Variants in UNG observed in about 807,000 individuals in gnomAD.
UNG encodes uracil-DNA glycosylase.
Under a neutral mutation model 36.5 loss-of-function variants are expected in UNG, and 34 were observed. That is an observed-to-expected ratio of 0.93 (90% CI 0.71 to 1.24). UNG has a LOEUF of 1.24. Among genes scored for constraint, UNG ranks in the 50% most tolerant of loss-of-function variants. The pLI, the probability that UNG is intolerant of heterozygous loss-of-function variation, is 0.00. For synonymous variants in UNG, 172 were observed against 157.8 expected (o/e 1.09, Z -0.67); for missense variants, 391 against 397.6 (o/e 0.98, Z 0.14).
At chr12:109,098,660 C>T in intron 2 of UNG, 22 bp downstream of exon 2, 2 of 1,613,142 alleles carry the variant, frequency 1.2e-6, no homozygotes, top group Non-Finnish European at 1.7e-6. Context: ...AATGCACCTT[C>T]CATAAGGGTA....
Position 109,106,791 on chromosome 12 carries a change from T to G in UNG, c.802-3038T>G, listed in dbSNP as rs540917356. Among the ~76,000 whole-genome samples the G allele has an allele frequency of 2.5e-4, 34 of 136,432 alleles. No individual in the cohort carries two copies. In the East Asian group the frequency reaches 5.1e-3, roughly 20 times the overall value. The allele number at this position is 136,432 out of a possible 152,430, so 89.5% of individuals were successfully genotyped here. A position where few individuals can be genotyped will look rare whatever the true frequency, so the allele number is the denominator to read the frequency against. ...GCGTGTGCCTGTAGTCCCAGCTACT[T>G]GGGAGGCAGAGGTTGCAGTTAGCTG... On this transcript the variant is annotated intron_variant, in intron 6 of 6. Coordinates refer to ENST00000242576, the MANE Select transcript of UNG (RefSeq NM_080911.3).
chr12:109,101,866 A>C lies in UNG; in HGVS notation c.436-36A>C, dbSNP rs373142518. On this transcript the variant is annotated intron_variant, in intron 3 of 6. Coordinates refer to ENST00000242576, the MANE Select transcript of UNG (RefSeq NM_080911.3). Reference sequence around the variant, plus strand: ...GCAGGGTCTGTGCTGCTTACATTACAGTATTGTTTAATTCCTGACCCCTGG... The same window carrying C: ...GCAGGGTCTGTGCTGCTTACATTACCGTATTGTTTAATTCCTGACCCCTGG... The C allele has an allele frequency of 1.3e-5, 20 of 1,561,858 alleles. No individual in the cohort carries two copies. In the African/African-American group the frequency reaches 2.3e-4, roughly 18 times the overall value.
chr12:109,098,403 T>A, intron 1 of UNG, 29 bp from the exon 2 acceptor site: 2 of 1,603,334 alleles, frequency 1.2e-6, no homozygotes, highest in Non-Finnish European at 1.7e-6. Flanking sequence ...CTGCAGCTCT[T>A]GAGCCGCCTC....
At chr12:109,101,640 G>A (rs1228214516) in intron 3 of UNG, among the ~76,000 whole-genome samples, 2 of 152,104 alleles carry the variant, frequency 1.3e-5, no homozygotes, top group East Asian at 3.9e-4. Flanking sequence ...AGCCCAGGAG[G>A]GCGAGGCTGC....
intron 6 of UNG, 121 bp from the exon 7 acceptor site, chr12:109,109,708 G>A (rs555851135): frequency 6.5e-5 from 81 of 1,254,086 alleles, no homozygotes; most frequent in Non-Finnish European, 8.8e-5. Flanking sequence ...GCTTGAACCC[G>A]GGAGGCGGAG....
intron 6 of UNG, among the ~76,000 whole-genome samples, chr12:109,104,716 C>G (rs776932714): frequency 6.6e-6 from 1 of 151,626 alleles, no homozygotes; most frequent in Non-Finnish European, 1.5e-5. Context: ...GGGAAGGAGA[C>G]GAGCCAGGGG....
Position 109,098,514 on chromosome 12 carries a change from A to G in UNG, c.215A>G (p.Asp72Gly). ...PSSPLSAEQL[D>G]RIQRNKAAAL... is the part of the protein sequence containing the mutation. ...TCGCCGCTGAGTGCCGAGCAGTTGGACCGGATCCAGAGGAACAAGGCCGCG... is the reference window on the plus strand; with the variant it reads ...TCGCCGCTGAGTGCCGAGCAGTTGGGCCGGATCCAGAGGAACAAGGCCGCG... The change falls in exon 2 of 7, where the codon GAC (aspartate) becomes GGC (glycine). Residue 72 changes from aspartate to glycine, a missense_variant. By Grantham distance (94) the Asp-to-Gly change is moderately conservative. Coordinates refer to ENST00000242576, the MANE Select transcript of UNG (RefSeq NM_080911.3). 6.2e-7 allele frequency: 1 copy of G among 1,612,894 alleles called. No individual in the cohort carries two copies.
At chr12:109,098,006 C>T (rs1490625623) in intron 1 of UNG, 195 bp downstream of exon 1, 38 of 1,261,448 alleles carry the variant, frequency 3.0e-5, no homozygotes, top group South Asian at 5.3e-5. Context: ...CCAATGGGAA[C>T]GCGTCTCGGG....
intron 3 of UNG, among the ~76,000 whole-genome samples, chr12:109,100,723 T>C (rs756210924): frequency 2.0e-5 from 3 of 152,154 alleles, no homozygotes; most frequent in Non-Finnish European, 4.4e-5. Context: ...CAGACCAGCA[T>C]TGGGAGAGTT....
intron 2 of UNG, 149 bp downstream of exon 2, chr12:109,098,787 G>C: frequency 9.3e-7 from 1 of 1,072,296 alleles, no homozygotes; most frequent in Non-Finnish European, 1.3e-6. Flanking sequence ...GTAAAAGAAA[G>C]CCATGATGTT....
At chr12:109,105,177 G>A (rs1593323238) in intron 6 of UNG, 1 of 152,270 alleles carries the variant, frequency 6.6e-6, no homozygotes, top group South Asian at 2.1e-4. Context: ...GTCTCCCAAA[G>A]TGCTAGGATT....
Position 109,099,409 on chromosome 12 carries a change from G to A in UNG, c.435+125G>A, listed in dbSNP as rs1026501244. 3 of 845,846 alleles carry A rather than the reference G, an allele frequency of 3.5e-6. No homozygotes were observed. In the African/African-American group the frequency reaches 5.0e-5, roughly 14 times the overall value. The allele number at this position is 845,846 out of a possible 1,614,324, so 52.4% of individuals were successfully genotyped here. A position where few individuals can be genotyped will look rare whatever the true frequency, so the allele number is the denominator to read the frequency against. The stretch of plus-strand genomic sequence containing the variant: ...GTAAATAAAACACTGAAATCCCGAG[G>A]TTTGGCTGACTGTATTTCAGCCTGT... On this transcript the variant is annotated intron_variant, in intron 3 of 6. Transcript: ENST00000242576.
chr12:109,104,263 G>C (rs2042200848), intron 6 of UNG, among the ~76,000 whole-genome samples: 1 of 151,794 alleles, frequency 6.6e-6, no homozygotes, highest in South Asian at 2.1e-4. Context: ...TGGCCAGGCT[G>C]GTTTTGAACT....
chr12:109,106,949 C>T (rs747103068), intron 6 of UNG, among the ~76,000 whole-genome samples: 4 of 17,472 alleles, frequency 2.3e-4, no homozygotes, highest in Non-Finnish European at 5.2e-4. Flanking sequence ...AATATTTTTA[C>T]TGCATCTTTT....
intron 6 of UNG, among the ~76,000 whole-genome samples, chr12:109,104,080 G>A (rs1349570885): frequency 1.5e-5 from 1 of 68,746 alleles, no homozygotes; most frequent in Non-Finnish European, 2.6e-5. Context: ...ATGGAGTCTC[G>A]CTCTGTTGCC....
intron 3 of UNG, among the ~76,000 whole-genome samples, chr12:109,100,035 G>A (rs553570097): frequency 1.8e-4 from 28 of 152,132 alleles, no homozygotes; most frequent in South Asian, 1.0e-3. Context: ...TCACTCCAGC[G>A]TGGGCGACAG....
intron 3 of UNG, 162 bp downstream of exon 3, chr12:109,099,446 T>G (rs1409358316): frequency 1.5e-6 from 1 of 670,552 alleles, no homozygotes; most frequent in East Asian, 2.8e-5. Context: ...TTTACTCTTT[T>G]TAATGTTTAC....
chr12:109,098,225 C>T lies in UNG; in HGVS notation c.133-207C>T, dbSNP rs1033272541. ...CCTCGGGAAGCCATAGGGCGCCTCCCAGCCCGTCTCCCCGCTCCAGTTTAG... is the reference window on the plus strand; with the variant it reads ...CCTCGGGAAGCCATAGGGCGCCTCCTAGCCCGTCTCCCCGCTCCAGTTTAG... On this transcript the variant is annotated intron_variant, in intron 1 of 6. Transcript: ENST00000242576. 5.4e-6 allele frequency: 8 copies of T among 1,476,318 alleles called. No individual in the cohort carries two copies. The South Asian group carries it at 5.6e-5, about 10-fold the overall frequency. 91.5% of individuals were successfully genotyped at this position (1,476,318 alleles called of 1,614,324 possible).
chr12:109,108,277 T>G (rs964018494), intron 6 of UNG, among the ~76,000 whole-genome samples: 4 of 152,218 alleles, frequency 2.6e-5, no homozygotes, highest in African/African-American at 9.7e-5. Context: ...TTTTTCGACT[T>G]TACAATGGTG....
Sources: gnomAD v4.1 joint callset for allele counts (sites outside exome capture counted in the v4.1 genomes callset) on GRCh38, gnomAD v4.1.1 for gene constraint, MANE v1.5 for transcripts, NCBI Gene and HGNC (gene_info 2026-07-23, HGNC 2026-07-21) for gene names.